CTNNA2: variants seen among roughly 807,000 people sequenced by gnomAD.
The protein encoded by CTNNA2 is catenin alpha-2.
Under a neutral mutation model 101.0 loss-of-function variants are expected in CTNNA2, and 42 were observed. The observed-to-expected ratio is 0.42, with a 90% CI of 0.32 to 0.54. The LOEUF (loss-of-function observed/expected upper bound fraction) is 0.54. CTNNA2 is among the 20% of genes least tolerant of loss of function. The pLI is 0.14. For synonymous variants in CTNNA2, 450 were observed against 456.4 expected, an observed-to-expected ratio of 0.99 and a Z score of 0.18; for missense variants, 871 against 1,223.1, an observed-to-expected ratio of 0.71 and a Z score of 4.29.
chr2:80,332,409 T>C (rs2149264890), intron 7 of CTNNA2, among the ~76,000 whole-genome samples: 1 of 152,278 alleles, frequency 6.6e-6, no homozygotes, highest in East Asian at 1.9e-4. Context: ...TAGGCATCAA[T>C]CCTTAATTTA....
chr2:80,313,345 A>G (rs1387528717), intron 7 of CTNNA2: 1 of 1,329,848 alleles, frequency 7.5e-7, no homozygotes, highest in Admixed American at 3.6e-5. Flanking sequence ...GTTTTTGTTC[A>G]TTTGTTGTAA....
intron 7 of CTNNA2, among the ~76,000 whole-genome samples, chr2:80,301,234 T>C (rs535084921): frequency 6.4e-4 from 97 of 152,330 alleles, no homozygotes; most frequent in Non-Finnish European, 1.2e-4. Flanking sequence ...AGCCTAAGCT[T>C]GCTGCAGTCT....
chr2:79,330,607 CCCA>C (rs1461218974), intron 3 of CTNNA2, among the ~76,000 whole-genome samples: 1 of 152,142 alleles, frequency 6.6e-6, no homozygotes, highest in African/African-American at 2.4e-5. Flanking sequence ...TCCCAGAATT[CCCA>C]CGTGTCATGA....
At chr2:80,564,516 T>G (rs1210817565) in intron 12 of CTNNA2, among the ~76,000 whole-genome samples, 1 of 152,036 alleles carries the variant, frequency 6.6e-6, no homozygotes, top group Admixed American at 6.6e-5. Context: ...AGAGTTTTTT[T>G]TTTTTTTTTT....
intron 18 of CTNNA2, among the ~76,000 whole-genome samples, chr2:80,626,467 T>C (rs1285972420): frequency 1.3e-5 from 2 of 152,148 alleles, no homozygotes; most frequent in African/African-American, 2.4e-5. Context: ...TCCACCCCTC[T>C]GCCCTTCTTC....
chr2:79,291,511 C>T (rs958210993), intron 2 of CTNNA2, among the ~76,000 whole-genome samples: 1 of 152,198 alleles, frequency 6.6e-6, no homozygotes, highest in Non-Finnish European at 1.5e-5. Context: ...GCATCCACTT[C>T]CCCTGTTCTT....
chr2:80,179,699 A>T (rs141521021), intron 7 of CTNNA2, among the ~76,000 whole-genome samples: 47 of 152,240 alleles, frequency 3.1e-4, no homozygotes, highest in African/African-American at 1.1e-3. Flanking sequence ...GCATATTTCA[A>T]GTCCTTGATG....
At chr2:79,457,303 C>A (rs1040758568) in intron 4 of CTNNA2, among the ~76,000 whole-genome samples, 1 of 151,922 alleles carries the variant, frequency 6.6e-6, no homozygotes, top group Non-Finnish European at 1.5e-5. Context: ...AGAAGAGCTA[C>A]CATGAAATTT....
chr2:79,580,625 G>A (rs1311365159), intron 1 of CTNNA2, among the ~76,000 whole-genome samples: 1 of 152,046 alleles, frequency 6.6e-6, no homozygotes, highest in Non-Finnish European at 1.5e-5. Flanking sequence ...ATTTGTTGTG[G>A]CCACAGTATA....
At chr2:79,346,024 T>G (rs982094386) in intron 3 of CTNNA2, among the ~76,000 whole-genome samples, 3 of 152,252 alleles carry the variant, frequency 2.0e-5, no homozygotes, top group South Asian at 4.1e-4. Flanking sequence ...TGAAGAAAAC[T>G]TCAGAGTTTT....
At chr2:79,291,574 T>C (rs982600849) in intron 2 of CTNNA2, among the ~76,000 whole-genome samples, 3 of 152,166 alleles carry the variant, frequency 2.0e-5, no homozygotes, top group African/African-American at 7.2e-5. Context: ...TATTTCCCAT[T>C]ACAGAGTGTG....
In CTNNA2 at chr2:80,354,488, G is replaced by T. The variant is rs560686434; in HGVS notation, c.1057-38723G>T. Among the ~76,000 whole-genome samples, 4 of 152,152 alleles carry T rather than the reference G, an allele frequency of 2.6e-5. No individual in the cohort carries two copies. In the South Asian group the frequency reaches 8.3e-4, roughly 31 times the overall value. ...CAGAGTGCATCTTTAGGGTGGTGTGGATTTCTGGAGATAGAATTTTGAGGG... is the reference window on the plus strand; with the variant it reads ...CAGAGTGCATCTTTAGGGTGGTGTGTATTTCTGGAGATAGAATTTTGAGGG... On this transcript the variant is annotated intron_variant, in intron 7 of 18. Transcript: ENST00000402739.
At chr2:79,397,739 C>T (rs1163203101) in intron 4 of CTNNA2, among the ~76,000 whole-genome samples, 1 of 152,070 alleles carries the variant, frequency 6.6e-6, no homozygotes, top group Admixed American at 6.6e-5. Flanking sequence ...TCATAGCTCA[C>T]TCTAACCTCA....
At chr2:80,270,889 A>C (rs887888688) in intron 7 of CTNNA2, among the ~76,000 whole-genome samples, 1 of 152,204 alleles carries the variant, frequency 6.6e-6, no homozygotes, top group Non-Finnish European at 1.5e-5. Flanking sequence ...GTATATTCAG[A>C]TGATTGTTTA....
intron 3 of CTNNA2, among the ~76,000 whole-genome samples, chr2:79,820,243 G>T (rs796731778): frequency 4.6e-5 from 7 of 152,212 alleles, no homozygotes; most frequent in African/African-American, 1.7e-4. Flanking sequence ...TGTATTAATT[G>T]CCCTTGTTAG....
intron 6 of CTNNA2, among the ~76,000 whole-genome samples, chr2:79,874,951 G>A (rs1682895164): frequency 2.0e-5 from 3 of 152,212 alleles, no homozygotes; most frequent in Admixed American, 2.0e-4. Context: ...GGGCAGCCTA[G>A]ATGTACGTTG....
intron 2 of CTNNA2, among the ~76,000 whole-genome samples, chr2:79,234,006 C>T (rs1338418579): frequency 6.7e-6 from 1 of 148,896 alleles, no homozygotes; most frequent in Admixed American, 6.8e-5. Flanking sequence ...GTTTGCCACT[C>T]TGTGTCTTTT....
chr2:80,289,794 A>G (rs933441610), intron 7 of CTNNA2, among the ~76,000 whole-genome samples: 1 of 152,152 alleles, frequency 6.6e-6, no homozygotes, highest in African/African-American at 2.4e-5. Flanking sequence ...GGTAGGGAAA[A>G]AAGTCAACTG....
intron 7 of CTNNA2, among the ~76,000 whole-genome samples, chr2:80,157,516 C>G (rs1455604061): frequency 2.0e-5 from 3 of 152,068 alleles, no homozygotes; most frequent in African/African-American, 7.2e-5. Context: ...ATCTGATCAT[C>G]AGTTGAGTGA....
Sources: allele counts gnomAD v4.1 joint callset (sites outside exome capture counted in the v4.1 genomes callset), GRCh38; gene constraint gnomAD v4.1.1; transcripts MANE v1.5; gene names NCBI Gene and HGNC (gene_info 2026-07-23, HGNC 2026-07-21).